The following IGFL2 variants were observed in gnomAD, a reference collection of about 807,000 sequenced individuals.
IGFL2 encodes the protein IGF like family member 2, also known as insulin growth factor-like family member 2.
In IGFL2, 7 loss-of-function variants were observed where a neutral mutation model predicts 13.9. The observed-to-expected ratio is 0.51, with a 90% CI of 0.29 to 0.95. The LOEUF (loss-of-function observed/expected upper bound fraction) is 0.95. Among genes scored for constraint, IGFL2 ranks in the 40% least tolerant of loss-of-function variants. The pLI, the probability that IGFL2 is intolerant of heterozygous loss-of-function variation, is 0.08. For missense variants in IGFL2, 138 were observed against 147.8 expected, an observed-to-expected ratio of 0.93 and a Z score of 0.34; for synonymous variants, 55 against 55.8, an observed-to-expected ratio of 0.99 and a Z score of 0.07.
the IGFL2 span, among the ~76,000 whole-genome samples, chr19:46,104,384 G>A: frequency 5.9e-5 from 9 of 152,274 alleles, no homozygotes; most frequent in South Asian, 1.0e-3. Context: ...GATTGAGGAC[G>A]GTAAGGGGTA....
chr19:46,125,929 T>C, the IGFL2 span, among the ~76,000 whole-genome samples: 1 of 152,218 alleles, frequency 6.6e-6, no homozygotes, highest in South Asian at 2.1e-4. Flanking sequence ...AGCTTTACTA[T>C]TGGGCATTGG....
chr19:46,111,608 C>T, the IGFL2 span: 1 of 152,246 alleles, frequency 6.6e-6, no homozygotes, highest in African/African-American at 2.4e-5. Context: ...TTCTAGCACT[C>T]ATGCCTCATT....
At chr19:46,117,247 TATATTTTGTAG>T in the IGFL2 span, among the ~76,000 whole-genome samples, 1 of 152,186 alleles carries the variant, frequency 6.6e-6, no homozygotes, top group Non-Finnish European at 1.5e-5. Flanking sequence ...TTTAAATTTT[TATATTTTGTAG>T]ATATTTTGTA....
chr19:46,202,876 C>G, the IGFL2 span: 3 of 152,218 alleles, frequency 2.0e-5, no homozygotes, highest in Non-Finnish European at 4.4e-5. Flanking sequence ...TTCGGCTGGG[C>G]TGAGGACCCG....
At chr19:46,160,003 C>T in intron 1 of IGFL2, 1 of 214,576 alleles carries the variant, frequency 4.7e-6, no homozygotes, top group Admixed American at 5.3e-5. Context: ...AAAAGACCTA[C>T]TCAAGCCCAA....
chr19:46,176,495 G>A, the IGFL2 span, among the ~76,000 whole-genome samples: 126 of 152,254 alleles, frequency 8.3e-4, no homozygotes, highest in South Asian at 0.019. Flanking sequence ...TCTTGACTCT[G>A]GGAGAAACCC....
At chr19:46,154,610 AT>A (rs1220848923) in intron 1 of IGFL2, among the ~76,000 whole-genome samples, 1 of 151,400 alleles carries the variant, frequency 6.6e-6, no homozygotes, top group Non-Finnish European at 1.5e-5. Context: ...CGCCTGGCTA[AT>A]TTTTTTGTAT....
chr19:46,201,205 C>T, the IGFL2 span, among the ~76,000 whole-genome samples: 405 of 152,316 alleles, frequency 2.7e-3, 3 homozygotes, highest in African/African-American at 9.2e-3. Context: ...CTCCTCTCCA[C>T]CCTCCTCACA....
intron 1 of IGFL2, among the ~76,000 whole-genome samples, chr19:46,152,129 G>A (rs550385656): frequency 1.3e-3 from 199 of 152,046 alleles, no homozygotes; most frequent in Middle Eastern, 0.01. Flanking sequence ...TCTTTGGTAC[G>A]TGGAATTATA....
upstream of IGFL2, among the ~76,000 whole-genome samples, chr19:46,143,500 A>G (rs1260291591): frequency 6.6e-6 from 1 of 151,344 alleles, no homozygotes; most frequent in South Asian, 2.1e-4. Flanking sequence ...TCCTGGGCTC[A>G]AGCAATCCTC....
chr19:46,190,912 C>T, the IGFL2 span, among the ~76,000 whole-genome samples: 1 of 152,146 alleles, frequency 6.6e-6, no homozygotes, highest in Non-Finnish European at 1.5e-5. Flanking sequence ...ATTCGGGAGT[C>T]CCGCTGAGTC....
At chr19:46,108,112 G>A in the IGFL2 span, among the ~76,000 whole-genome samples, 1 of 152,120 alleles carries the variant, frequency 6.6e-6, no homozygotes, top group Non-Finnish European at 1.5e-5. Context: ...AGGAAGAATT[G>A]GGACCTGGCT....
chr19:46,136,270 T>G, the IGFL2 span, among the ~76,000 whole-genome samples: 5 of 152,190 alleles, frequency 3.3e-5, no homozygotes, highest in African/African-American at 4.8e-5. Context: ...GATTTCTTGG[T>G]GGTTTCATTC....
chr19:46,176,938 A>G, the IGFL2 span, among the ~76,000 whole-genome samples: 1 of 152,142 alleles, frequency 6.6e-6, no homozygotes, highest in Non-Finnish European at 1.5e-5. Context: ...CAGTTGGGAG[A>G]AGAAAAGGGG....
chr19:46,122,975 A>G, the IGFL2 span, among the ~76,000 whole-genome samples: 1 of 150,892 alleles, frequency 6.6e-6, no homozygotes, highest in Non-Finnish European at 1.5e-5. Context: ...CAGGGTAAAA[A>G]AAATGACATT....
chr19:46,089,549 C>G, the IGFL2 span, among the ~76,000 whole-genome samples: 1 of 151,796 alleles, frequency 6.6e-6, no homozygotes, highest in Non-Finnish European at 1.5e-5. Context: ...TAAGATGGCT[C>G]TGGTGGAGGT....
the IGFL2 span, among the ~76,000 whole-genome samples, chr19:46,114,874 G>A: frequency 6.6e-6 from 1 of 152,152 alleles, no homozygotes; most frequent in Non-Finnish European, 1.5e-5. Flanking sequence ...TGAAAATGCA[G>A]TTTCCTGGAC....
At chr19:46,124,678 A>C in the IGFL2 span, 3 of 1,603,068 alleles carry the variant, frequency 1.9e-6, no homozygotes, top group Middle Eastern at 1.7e-4. Context: ...GGAGAATTGA[A>C]GAAGAGTGGT....
the IGFL2 span, among the ~76,000 whole-genome samples, chr19:46,103,662 G>T: frequency 6.6e-6 from 1 of 152,188 alleles, no homozygotes; most frequent in African/African-American, 2.4e-5. Context: ...ATAGGAATAT[G>T]ACTAGACAGA....
Sources: gnomAD v4.1 joint callset for allele counts (sites outside exome capture counted in the v4.1 genomes callset) on GRCh38, gnomAD v4.1.1 for gene constraint, MANE v1.5 for transcripts, NCBI Gene and HGNC (gene_info 2026-07-23, HGNC 2026-07-21) for gene names.